Variants in GPR137C observed in about 807,000 individuals in gnomAD.
GPR137C encodes G protein-coupled receptor 137C, also known as integral membrane protein GPR137C.
A neutral mutation model predicts 43.4 loss-of-function variants in GPR137C; 27 were observed. The observed-to-expected ratio is 0.62, with a 90% CI of 0.46 to 0.86. The LOEUF (loss-of-function observed/expected upper bound fraction) is 0.86, where lower values mean the gene tolerates loss of function less well. Ranked by LOEUF, GPR137C falls within the 40% of genes least tolerant of loss-of-function variation. The probability of loss-of-function intolerance (pLI) is 0.00; values close to 1 mark genes in which losing one functional copy is unlikely to be tolerated. For missense variants in GPR137C, 522 were observed against 534.6 expected, an observed-to-expected ratio of 0.98 and a Z score of 0.23; for synonymous variants, 285 against 226.9, an observed-to-expected ratio of 1.26 and a Z score of -2.30.
intron 1 of GPR137C, among the ~76,000 whole-genome samples, chr14:52,574,758 C>A (rs189433967): frequency 7.9e-5 from 12 of 152,194 alleles, no homozygotes; most frequent in Non-Finnish European, 1.3e-4. Flanking sequence ...CTTCTTTCTT[C>A]CGTGGGATAT....
chr14:52,622,297 C>G (rs1157884184), intron 3 of GPR137C, among the ~76,000 whole-genome samples: 2 of 151,984 alleles, frequency 1.3e-5, no homozygotes, highest in African/African-American at 4.8e-5. Context: ...CTCCATTGGT[C>G]AATCTTGCAT....
chr14:52,582,228 A>T (rs2038657084), intron 1 of GPR137C, among the ~76,000 whole-genome samples: 1 of 152,120 alleles, frequency 6.6e-6, no homozygotes, highest in South Asian at 2.1e-4. Context: ...GATCTCTCTT[A>T]TAAGGATACT....
intron 3 of GPR137C, among the ~76,000 whole-genome samples, 200 bp downstream of exon 3, chr14:52,600,541 T>A (rs2038911814): frequency 2.0e-5 from 3 of 152,146 alleles, no homozygotes; most frequent in African/African-American, 7.2e-5. Flanking sequence ...AGCCTTGAGC[T>A]TTTGGGCTCA....
intron 3 of GPR137C, among the ~76,000 whole-genome samples, chr14:52,617,110 C>G (rs1004887937): frequency 6.6e-6 from 1 of 152,160 alleles, no homozygotes; most frequent in Non-Finnish European, 1.5e-5. Flanking sequence ...TCACCTCTGT[C>G]AGCCATGGTG....
intron 3 of GPR137C, among the ~76,000 whole-genome samples, chr14:52,618,489 C>G (rs778878342): frequency 3.7e-4 from 57 of 152,142 alleles, no homozygotes; most frequent in Middle Eastern, 3.4e-3. Context: ...CAAATAGTTT[C>G]CATTTATTAC....
chr14:52,553,996 G>T (rs2038148207), intron 1 of GPR137C, among the ~76,000 whole-genome samples: 3 of 152,210 alleles, frequency 2.0e-5, no homozygotes, highest in Admixed American at 6.5e-5. Flanking sequence ...GGTAGCAGCA[G>T]CTCTGCTGAA....
At chr14:52,622,371 T>C (rs1247772550) in intron 3 of GPR137C, among the ~76,000 whole-genome samples, 1 of 152,090 alleles carries the variant, frequency 6.6e-6, no homozygotes, top group Non-Finnish European at 1.5e-5. Context: ...ATCTTCAAAA[T>C]GTTGATACAT....
At chr14:52,586,437 C>G (rs2038714856) in intron 1 of GPR137C, among the ~76,000 whole-genome samples, 1 of 152,214 alleles carries the variant, frequency 6.6e-6, no homozygotes, top group African/African-American at 2.4e-5. Context: ...CAGTGACATA[C>G]CAGTCACTCA....
intron 3 of GPR137C, among the ~76,000 whole-genome samples, chr14:52,624,951 T>C (rs1447884995): frequency 6.6e-6 from 1 of 152,194 alleles, no homozygotes; most frequent in African/African-American, 2.4e-5. Context: ...AACACTTTGC[T>C]GGTAAATTTG....
At position 52,602,760 on chromosome 14, in the gene GPR137C, T is replaced by C. The variant is rs575526779; in HGVS notation, c.717+2419T>C. On this transcript the variant is annotated intron_variant, in intron 3 of 6. Transcript: ENST00000321662. Reference sequence around the variant, plus strand: ...ATTATCTTAAAATTTTATTTATTTCTCTTGGGGCACTTATCAGTTTATACA... The same window carrying C: ...ATTATCTTAAAATTTTATTTATTTCCCTTGGGGCACTTATCAGTTTATACA... 3.3e-5 allele frequency among the ~76,000 whole-genome samples: 5 copies of C among 152,294 alleles called. No individual in the cohort carries two copies. The South Asian group carries it at 1.0e-3, about 32-fold the overall frequency.
intron 1 of GPR137C, among the ~76,000 whole-genome samples, chr14:52,571,464 G>A (rs1345515889): frequency 1.3e-5 from 2 of 152,096 alleles, no homozygotes; most frequent in Non-Finnish European, 2.9e-5. Context: ...CATGAAGTCA[G>A]GAGTTTGAGA....
At chr14:52,553,696 G>C in intron 1 of GPR137C, 105 bp downstream of exon 1, 1 of 921,168 alleles carries the variant, frequency 1.1e-6, no homozygotes, top group Non-Finnish European at 1.6e-6. Flanking sequence ...AGCGAGAGGC[G>C]GACTGGAAAC....
chr14:52,598,477 C>T (rs1323495765), intron 2 of GPR137C, among the ~76,000 whole-genome samples, 162 bp downstream of exon 2: 1 of 151,872 alleles, frequency 6.6e-6, no homozygotes, highest in African/African-American at 2.4e-5. Flanking sequence ...TATAGAAAAC[C>T]AAGTTGTTAG....
At chr14:52,587,395 A>G (rs1431145261) in intron 1 of GPR137C, among the ~76,000 whole-genome samples, 2 of 152,228 alleles carry the variant, frequency 1.3e-5, no homozygotes, top group Non-Finnish European at 2.9e-5. Flanking sequence ...TGGCCATAAA[A>G]CATAGTCTAA....
intron 1 of GPR137C, among the ~76,000 whole-genome samples, chr14:52,562,238 G>C (rs909451932): frequency 6.6e-6 from 1 of 152,140 alleles, no homozygotes; most frequent in African/African-American, 2.4e-5. Flanking sequence ...ACTTGGTTAA[G>C]TTAGTTGGGT....
At chr14:52,605,521 G>A (rs1389272939) in intron 3 of GPR137C, among the ~76,000 whole-genome samples, 1 of 152,086 alleles carries the variant, frequency 6.6e-6, no homozygotes, top group Non-Finnish European at 1.5e-5. Flanking sequence ...TTCCTTTCTA[G>A]TCTGGATGCC....
chr14:52,596,664 C>G (rs553928881), intron 1 of GPR137C, among the ~76,000 whole-genome samples: 9 of 152,344 alleles, frequency 5.9e-5, no homozygotes, highest in Admixed American at 2.6e-4. Context: ...CTGCCAGTTG[C>G]TGAGACTGTG....
Position 52,563,094 on chromosome 14 carries a change from GTCC to G in GPR137C, c.444+9506_444+9508del, listed in dbSNP as rs1291250045. ...CAATAAGTTCATTAGACATTTTTCA[GTCC>G]TCATTCAAATTAACTTCTCAGCAGC... On this transcript the variant is annotated intron_variant, in intron 1 of 6. Transcript: ENST00000321662. Among the ~76,000 whole-genome samples, 5 of 152,096 alleles carry G rather than the reference GTCC, an allele frequency of 3.3e-5. No homozygotes were observed. The East Asian group carries it at 9.7e-4, about 29-fold the overall frequency.
intron 1 of GPR137C, among the ~76,000 whole-genome samples, chr14:52,584,447 G>A (rs570845355): frequency 6.6e-6 from 1 of 152,314 alleles, no homozygotes; most frequent in South Asian, 2.1e-4. Context: ...TTGCTGGATA[G>A]ATGTCCTCAC....
Sources: allele counts gnomAD v4.1 joint callset (sites outside exome capture counted in the v4.1 genomes callset), GRCh38; gene constraint gnomAD v4.1.1; transcripts MANE v1.5; gene names NCBI Gene and HGNC (gene_info 2026-07-23, HGNC 2026-07-21).